THRB: variants seen among roughly 807,000 people sequenced by gnomAD.
THRB encodes the protein thyroid hormone receptor beta, also known as nuclear receptor subfamily 1 group A member 2.
In THRB, 12 loss-of-function variants were observed where a neutral mutation model predicts 47.8. The ratio of observed to expected loss-of-function variants is 0.25; its 90% CI spans 0.16 to 0.41. The LOEUF is 0.41. Ranked by LOEUF, THRB falls within the 10% of genes least tolerant of loss-of-function variation. THRB has a pLI of 1.00. For missense variants in THRB, 348 were observed against 589.2 expected, an observed-to-expected ratio of 0.59 and a Z score of 4.24; for synonymous variants, 218 against 212.2, an observed-to-expected ratio of 1.03 and a Z score of -0.24.
chr3:24,374,421 G>C (rs1235004732), intron 1 of THRB, among the ~76,000 whole-genome samples: 1 of 151,996 alleles, frequency 6.6e-6, no homozygotes, highest in Non-Finnish European at 1.5e-5. Flanking sequence ...TTAAATGTTT[G>C]TATTTATGTA....
At chr3:24,179,404 A>G (rs79444445) in intron 5 of THRB, among the ~76,000 whole-genome samples, 535 of 152,336 alleles carry the variant, frequency 3.5e-3, no homozygotes, top group African/African-American at 0.012. Context: ...CAAATGACAT[A>G]ATAATAATAT....
chr3:24,321,974 T>C (rs1014502532), intron 2 of THRB, among the ~76,000 whole-genome samples: 7 of 152,178 alleles, frequency 4.6e-5, no homozygotes, highest in Admixed American at 3.9e-4. Flanking sequence ...TTTTTTTTAA[T>C]GTGGTTACTA....
chr3:24,211,418 A>G (rs1173421693), intron 4 of THRB, among the ~76,000 whole-genome samples: 4 of 152,120 alleles, frequency 2.6e-5, no homozygotes, highest in Non-Finnish European at 5.9e-5. Flanking sequence ...CCTTACTTTC[A>G]TTTCCCTTCA....
At chr3:24,376,818 A>G (rs1313204576) in intron 1 of THRB, among the ~76,000 whole-genome samples, 2 of 152,216 alleles carry the variant, frequency 1.3e-5, no homozygotes, top group Non-Finnish European at 1.5e-5. Context: ...AATGACATCT[A>G]AAGTTTTAAC....
chr3:24,434,596 G>A (rs2070755061), intron 1 of THRB, among the ~76,000 whole-genome samples: 2 of 152,176 alleles, frequency 1.3e-5, no homozygotes, highest in South Asian at 4.1e-4. Flanking sequence ...TTTGAACTCA[G>A]CATAGGGTGG....
rs933625873 is a variant in THRB at position 24,338,181 on chromosome 3, A to T, written c.-260-810T>A. Among the ~76,000 whole-genome samples the T allele has an allele frequency of 3.4e-4, 52 of 152,178 alleles. No homozygotes were observed. In the Middle Eastern group the frequency reaches 0.017, roughly 50 times the overall value. The stretch of plus-strand genomic sequence containing the variant: ...TAAACATTTTGTCACCTGTGCTCTA[A>T]TTTTTTTTAATTTAAAAAAGGGTAT... On this transcript the variant is annotated intron_variant, in intron 1 of 10. Coordinates refer to ENST00000646209, the MANE Select transcript of THRB (RefSeq NM_001354712.2).
intron 4 of THRB, among the ~76,000 whole-genome samples, chr3:24,228,442 A>C (rs1559666405): frequency 6.6e-6 from 1 of 152,114 alleles, no homozygotes; most frequent in Non-Finnish European, 1.5e-5. Context: ...AAGTATGTAG[A>C]GCCATTTATT....
chr3:24,491,754 A>G (rs1305579156), intron 1 of THRB, among the ~76,000 whole-genome samples: 1 of 152,202 alleles, frequency 6.6e-6, no homozygotes, highest in African/African-American at 2.4e-5. Context: ...CACCCAGTGA[A>G]GTCTAGTCCC....
Position 24,127,470 on chromosome 3 carries a change from T to C in THRB, c.1144+29A>G, listed in dbSNP as rs2033085423. On this transcript the variant is annotated intron_variant, in intron 10 of 10. Transcript: ENST00000646209. ...GCTAGACAAGCAAAAGCTCTTTGGA[T>C]GCCCACTAACGAGTCTAGGCGTACT... 2.5e-6 allele frequency: 4 copies of C among 1,613,804 alleles called. No individual in the cohort carries two copies. In the South Asian group the frequency reaches 3.3e-5, roughly 13 times the overall value.
At chr3:24,434,211 G>A (rs1335342085) in intron 1 of THRB, among the ~76,000 whole-genome samples, 3 of 152,018 alleles carry the variant, frequency 2.0e-5, no homozygotes, top group Admixed American at 2.0e-4. Flanking sequence ...AAATATATTC[G>A]GTGTTTTACA....
chr3:24,237,198 GAATT>G (rs1195338600), intron 3 of THRB, among the ~76,000 whole-genome samples: 1 of 152,184 alleles, frequency 6.6e-6, no homozygotes, highest in African/African-American at 2.4e-5. Context: ...AAGGCAGTCA[GAATT>G]TCTCCACTGG....
At chr3:24,126,010 C>G (rs1575251704) in intron 10 of THRB, among the ~76,000 whole-genome samples, 1 of 152,182 alleles carries the variant, frequency 6.6e-6, no homozygotes, top group Admixed American at 6.5e-5. Flanking sequence ...TGAAATTTTC[C>G]ATAATAAAAA....
intron 1 of THRB, among the ~76,000 whole-genome samples, chr3:24,426,614 T>G (rs985724726): frequency 3.9e-5 from 6 of 151,980 alleles, no homozygotes; most frequent in African/African-American, 7.2e-5. Context: ...TGTCGTTTCC[T>G]CTCACAAAGC....
chr3:24,439,364 G>A (rs1256994957), intron 1 of THRB, among the ~76,000 whole-genome samples: 1 of 152,150 alleles, frequency 6.6e-6, no homozygotes, highest in East Asian at 1.9e-4. Flanking sequence ...ACCTACAGGA[G>A]CTGAACTCCA....
intron 1 of THRB, among the ~76,000 whole-genome samples, chr3:24,456,795 C>T (rs1214484578): frequency 6.6e-6 from 1 of 151,890 alleles, no homozygotes; most frequent in Non-Finnish European, 1.5e-5. Context: ...GATAAACTTA[C>T]TAATAATTCT....
intron 1 of THRB, among the ~76,000 whole-genome samples, chr3:24,433,600 T>C (rs1448140801): frequency 1.3e-5 from 2 of 152,156 alleles, no homozygotes; most frequent in Admixed American, 1.3e-4. Flanking sequence ...ATAATACATT[T>C]GTGTTGTTTT....
chr3:24,256,612 G>C (rs963899118), intron 3 of THRB, among the ~76,000 whole-genome samples: 15 of 152,150 alleles, frequency 9.9e-5, no homozygotes, highest in African/African-American at 3.6e-4. Flanking sequence ...TCTGGAAGGA[G>C]AGAGATACGT....
intron 5 of THRB, among the ~76,000 whole-genome samples, chr3:24,168,294 G>T (rs2039923969): frequency 2.0e-5 from 3 of 152,040 alleles, no homozygotes; most frequent in Admixed American, 2.0e-4. Context: ...TCTTTGTAAA[G>T]TCAGTAAAGC....
At chr3:24,165,091 T>A (rs765860507) in intron 5 of THRB, 1 of 765,012 alleles carries the variant, frequency 1.3e-6, no homozygotes, top group East Asian at 2.4e-5. Context: ...CAGTGAAATA[T>A]TCAGGTTGGC....
Sources: gnomAD v4.1 joint callset for allele counts (sites outside exome capture counted in the v4.1 genomes callset) on GRCh38, gnomAD v4.1.1 for gene constraint, MANE v1.5 for transcripts, NCBI Gene and HGNC (gene_info 2026-07-23, HGNC 2026-07-21) for gene names.